STX17: variants seen among roughly 807,000 people sequenced by gnomAD.
STX17 encodes syntaxin-17.
A neutral mutation model predicts 35.9 loss-of-function variants in STX17; 29 were observed. The observed-to-expected ratio is 0.81, with a 90% CI of 0.60 to 1.10. The LOEUF (loss-of-function observed/expected upper bound fraction) is 1.10, where lower values mean the gene tolerates loss of function less well. Ranked by LOEUF, STX17 falls within the 50% of genes least tolerant of loss-of-function variation. The pLI, the probability that STX17 is intolerant of heterozygous loss-of-function variation, is 0.00. For synonymous variants in STX17, 92 were observed against 118.3 expected (o/e 0.78, Z 1.44); for missense variants, 312 against 352.3 (o/e 0.89, Z 0.92).
In STX17 at chr9:99,968,823, TTTG is replaced by T; in HGVS notation, c.*156_*158del. On this transcript the variant is annotated 3_prime_UTR_variant, in exon 8 of 8. Transcript: ENST00000259400. ...ATTGAAGTGTGATAAATGGATATAT[TTTG>T]TTGTTTGCTGGGGTGTTCATGGAGA... 3 of 1,271,502 alleles carry T rather than the reference TTTG, an allele frequency of 2.4e-6. No homozygotes were observed. Among genetic ancestry groups the T allele is most frequent in the East Asian group, 5.0e-5 (2 of 39,970 alleles). The allele number at this position is 1,271,502 out of a possible 1,614,324, so 78.8% of individuals were successfully genotyped here. A position where few individuals can be genotyped will look rare whatever the true frequency, so the allele number is the denominator to read the frequency against.
intron 2 of STX17, among the ~76,000 whole-genome samples, chr9:99,925,634 G>C (rs2118356529): frequency 6.6e-6 from 1 of 152,140 alleles, no homozygotes; most frequent in East Asian, 1.9e-4. Context: ...TAGAATTCTA[G>C]GTTGCATTTT....
intron 3 of STX17, chr9:99,945,868 G>C: frequency 4.8e-6 from 1 of 209,352 alleles, no homozygotes. Context: ...GATCACCTGA[G>C]GTCAGGAGTT....
At chr9:99,928,098 T>A (rs866795819) in intron 2 of STX17, among the ~76,000 whole-genome samples, 9 of 152,200 alleles carry the variant, frequency 5.9e-5, no homozygotes, top group Non-Finnish European at 1.0e-4. Context: ...TTTGATTTTT[T>A]AATTTCCAAT....
intron 1 of STX17, among the ~76,000 whole-genome samples, chr9:99,913,028 G>A (rs1462241435): frequency 6.6e-6 from 1 of 152,004 alleles, no homozygotes; most frequent in Non-Finnish European, 1.5e-5. Flanking sequence ...AACTCTCTCA[G>A]CACTTTGAAG....
At chr9:99,959,811 A>G in intron 4 of STX17, 106 bp from the exon 5 acceptor site, 1 of 837,992 alleles carries the variant, frequency 1.2e-6, no homozygotes, top group Middle Eastern at 2.3e-4. Flanking sequence ...CCTAAATTTA[A>G]TTAGACACCA....
chr9:99,939,226 A>G (rs532321812), intron 3 of STX17, among the ~76,000 whole-genome samples: 1 of 152,344 alleles, frequency 6.6e-6, no homozygotes, highest in Middle Eastern at 3.4e-3. Flanking sequence ...AAAAGAAACG[A>G]TTAAGGAGAA....
At chr9:99,923,898 G>A (rs1441903404) in intron 2 of STX17, among the ~76,000 whole-genome samples, 3 of 152,168 alleles carry the variant, frequency 2.0e-5, no homozygotes, top group Non-Finnish European at 4.4e-5. Context: ...GGGAATGGGT[G>A]CAGAGCTTCC....
chr9:99,963,023 GA>G (rs908456429), intron 6 of STX17, among the ~76,000 whole-genome samples: 2 of 152,086 alleles, frequency 1.3e-5, no homozygotes, highest in African/African-American at 4.8e-5. Context: ...ATGAGGAATA[GA>G]AAAAAGCATT....
At chr9:99,908,744 A>G (rs1828604897) in intron 1 of STX17, among the ~76,000 whole-genome samples, 1 of 152,170 alleles carries the variant, frequency 6.6e-6, no homozygotes, top group Admixed American at 6.5e-5. Flanking sequence ...TTTTTGGAGA[A>G]TAGTATTTAA....
At position 99,951,042 on chromosome 9, in the gene STX17, G is replaced by C; in HGVS notation, c.190-18G>C. 6.3e-7 allele frequency: 1 copy of C among 1,583,482 alleles called. No homozygotes were observed. On this transcript the variant is annotated intron_variant, in intron 3 of 7. Coordinates refer to ENST00000259400, the MANE Select transcript of STX17 (RefSeq NM_017919.3). ...TATACTAAGAAATGGTGGCATTAAT[G>C]ATTTTTTTCTTTTATAGCAACTCCG...
chr9:99,909,952 G>C (rs1030825262), intron 1 of STX17, among the ~76,000 whole-genome samples: 1 of 152,138 alleles, frequency 6.6e-6, no homozygotes, highest in Non-Finnish European at 1.5e-5. Flanking sequence ...AAGAAATGCA[G>C]CTGGGCATGG....
chr9:99,912,970 T>C (rs1281195778), intron 1 of STX17, among the ~76,000 whole-genome samples: 1 of 152,136 alleles, frequency 6.6e-6, no homozygotes, highest in African/African-American at 2.4e-5. Flanking sequence ...TGTCTGAAAA[T>C]GATTATTTTG....
chr9:99,967,668 A>G lies in STX17; in HGVS notation c.598A>G (p.Ile200Val), dbSNP rs780751898. Residue 200 changes from isoleucine (I) to valine (V), a missense_variant, in exon 7 of 8, where the codon ATT becomes GTT. Physicochemically the swap from Ile to Val is conservative, Grantham distance 29. Transcript: ENST00000259400. ...SLLVNSQQEKIDSIADHVNSA... is the reference protein window; with the variant it reads ...SLLVNSQQEKVDSIADHVNSA... ...TTGCATCTAGTCTCAGCAGGAGAAG[A>G]TTGACAGCATTGCAGACCATGTCAA... The G allele has an allele frequency of 1.6e-5, 26 of 1,613,800 alleles. No individual in the cohort carries two copies. In the East Asian group the frequency reaches 5.4e-4, roughly 33 times the overall value.
chr9:99,930,824 G>A (rs987142622), intron 3 of STX17, among the ~76,000 whole-genome samples: 4 of 152,022 alleles, frequency 2.6e-5, no homozygotes, highest in Admixed American at 2.6e-4. Context: ...TCTAAAAAAT[G>A]CCTTTATTCT....
intron 6 of STX17, among the ~76,000 whole-genome samples, chr9:99,964,270 A>C (rs775934446): frequency 2.6e-5 from 4 of 152,178 alleles, no homozygotes; most frequent in Non-Finnish European, 4.4e-5. Context: ...GACAAGTATA[A>C]TAAATCACAG....
At chr9:99,965,288 T>C (rs1166397366) in intron 6 of STX17, among the ~76,000 whole-genome samples, 1 of 152,216 alleles carries the variant, frequency 6.6e-6, no homozygotes, top group Non-Finnish European at 1.5e-5. Flanking sequence ...TAAAAAGTCA[T>C]AGAAGTACAA....
At chr9:99,932,336 T>C (rs944752853) in intron 3 of STX17, among the ~76,000 whole-genome samples, 1 of 152,132 alleles carries the variant, frequency 6.6e-6, no homozygotes, top group Non-Finnish European at 1.5e-5. Flanking sequence ...TTAGAGATAA[T>C]GGAGATGAAG....
intron 3 of STX17, 96 bp from the exon 4 acceptor site, chr9:99,950,964 T>TA: frequency 8.8e-7 from 1 of 1,131,014 alleles, no homozygotes. Context: ...AGATATTTGT[T>TA]ATAATTTCCA....
chr9:99,907,833 G>A (rs1828581395), intron 1 of STX17, among the ~76,000 whole-genome samples: 1 of 151,802 alleles, frequency 6.6e-6, no homozygotes, highest in African/African-American at 2.4e-5. Flanking sequence ...TTTTTTTCCT[G>A]TATTAATGTC....
Sources: gnomAD v4.1 joint callset for allele counts (sites outside exome capture counted in the v4.1 genomes callset) on GRCh38, gnomAD v4.1.1 for gene constraint, MANE v1.5 for transcripts, NCBI Gene and HGNC (gene_info 2026-07-23, HGNC 2026-07-21) for gene names.